GRIN2B: variants seen among roughly 807,000 people sequenced by gnomAD.
The protein encoded by GRIN2B is glutamate ionotropic receptor NMDA type subunit 2B.
Under a neutral mutation model 114.5 loss-of-function variants are expected in GRIN2B, and 5 were observed. The ratio of observed to expected loss-of-function variants is 0.04; its 90% CI spans 0.02 to 0.09. The LOEUF (loss-of-function observed/expected upper bound fraction) is 0.09. Among genes scored for constraint, GRIN2B ranks in the 10% least tolerant of loss-of-function variants. The pLI is 1.00. For synonymous variants in GRIN2B, 787 were observed against 745.1 expected (o/e 1.06, Z -0.92); for missense variants, 1,108 against 1,943.5 (o/e 0.57, Z 8.08).
intron 2 of GRIN2B, among the ~76,000 whole-genome samples, chr12:13,966,206 T>A (rs1458493417): frequency 6.6e-6 from 1 of 152,290 alleles, no homozygotes; most frequent in East Asian, 1.9e-4. Flanking sequence ...CCTGGTGAGT[T>A]CTTGGGAAGA....
intron 2 of GRIN2B, among the ~76,000 whole-genome samples, chr12:13,875,877 G>C (rs1865984622): frequency 2.0e-5 from 3 of 152,126 alleles, no homozygotes; most frequent in Non-Finnish European, 4.4e-5. Context: ...CATGGGCCAG[G>C]GAACCTGCTA....
chr12:13,622,178 G>C (rs900940227), intron 5 of GRIN2B, among the ~76,000 whole-genome samples: 2 of 152,162 alleles, frequency 1.3e-5, no homozygotes, highest in African/African-American at 4.8e-5. Context: ...GGCGTCAAAG[G>C]TTATTTTTCA....
intron 5 of GRIN2B, among the ~76,000 whole-genome samples, chr12:13,652,594 A>C (rs987563330): frequency 6.6e-6 from 1 of 152,096 alleles, no homozygotes; most frequent in Non-Finnish European, 1.5e-5. Flanking sequence ...TTTATTATGC[A>C]TGGGTATAAG....
At chr12:13,825,772 C>T (rs1160827214) in intron 3 of GRIN2B, among the ~76,000 whole-genome samples, 1 of 152,020 alleles carries the variant, frequency 6.6e-6, no homozygotes, top group African/African-American at 2.4e-5. Flanking sequence ...CCACCTCGGC[C>T]TCCCAAAGTG....
At chr12:13,968,887 C>A (rs955574676) in intron 2 of GRIN2B, among the ~76,000 whole-genome samples, 1 of 152,158 alleles carries the variant, frequency 6.6e-6, no homozygotes, top group Non-Finnish European at 1.5e-5. Flanking sequence ...GAGTAGTTTG[C>A]AAATGGGTTT....
chr12:13,962,089 T>TACAC (rs143658576), intron 2 of GRIN2B, among the ~76,000 whole-genome samples: 49,180 of 145,104 alleles, frequency 0.34, 8,353 homozygotes, highest in Middle Eastern at 0.39. Flanking sequence ...CTCTCATACA[T>TACAC]ACACACACAC....
At chr12:13,752,676 CTAAGAG>C (rs1863504006) in intron 4 of GRIN2B, among the ~76,000 whole-genome samples, 1 of 152,154 alleles carries the variant, frequency 6.6e-6, no homozygotes, top group Admixed American at 6.5e-5. Flanking sequence ...ACAAACCAGA[CTAAGAG>C]TAACTGTAAA....
chr12:13,951,905 A>G (rs1299617253), intron 2 of GRIN2B, among the ~76,000 whole-genome samples: 1 of 152,134 alleles, frequency 6.6e-6, no homozygotes, highest in Non-Finnish European at 1.5e-5. Context: ...AGAAGAGGGG[A>G]GAAAAAGAAA....
upstream of GRIN2B, chr12:13,982,095 C>T (rs371428226): frequency 6.9e-6 from 1 of 145,184 alleles, no homozygotes; most frequent in Non-Finnish European, 1.5e-5. Flanking sequence ...GAGGCAGCTT[C>T]CCACGTCATG....
intron 2 of GRIN2B, among the ~76,000 whole-genome samples, chr12:13,935,101 T>C (rs1270874340): frequency 1.3e-5 from 2 of 152,138 alleles, no homozygotes; most frequent in Non-Finnish European, 2.9e-5. Flanking sequence ...GAAGGAACAA[T>C]TGGTCCATAG....
intron 3 of GRIN2B, among the ~76,000 whole-genome samples, chr12:13,834,671 G>A (rs1188038294): frequency 2.0e-5 from 3 of 152,190 alleles, no homozygotes; most frequent in Non-Finnish European, 4.4e-5. Context: ...CAGAGGGGAA[G>A]GTGTGAATGA....
At chr12:13,816,878 T>A (rs11831422) in intron 3 of GRIN2B, among the ~76,000 whole-genome samples, 5,391 of 152,234 alleles carry the variant, frequency 0.035, 116 homozygotes, top group Middle Eastern at 0.061. Context: ...AATCTAAACC[T>A]AAGTCAAAAA....
At chr12:13,692,138 T>A (rs1950219564) in intron 4 of GRIN2B, among the ~76,000 whole-genome samples, 1 of 152,152 alleles carries the variant, frequency 6.6e-6, no homozygotes. Context: ...CTTTCCCAAG[T>A]TTTTTCAGCA....
intron 3 of GRIN2B, among the ~76,000 whole-genome samples, chr12:13,802,913 G>A (rs1183354495): frequency 6.6e-6 from 1 of 151,986 alleles, no homozygotes; most frequent in Non-Finnish European, 1.5e-5. Context: ...GAACACACAG[G>A]TTTGAACTGT....
At chr12:13,944,410 G>T (rs1867326750) in intron 2 of GRIN2B, among the ~76,000 whole-genome samples, 1 of 152,210 alleles carries the variant, frequency 6.6e-6, no homozygotes, top group South Asian at 2.1e-4. Context: ...AACAGAAGCA[G>T]AGCTGTGTGT....
At chr12:13,844,676 A>G (rs146739931) in intron 3 of GRIN2B, among the ~76,000 whole-genome samples, 209 of 152,278 alleles carry the variant, frequency 1.4e-3, no homozygotes, top group African/African-American at 4.8e-3. Flanking sequence ...GTATTTCTCC[A>G]TCTTTGACAT....
intron 4 of GRIN2B, among the ~76,000 whole-genome samples, chr12:13,720,297 C>T (rs1565512728): frequency 6.6e-6 from 1 of 151,974 alleles, no homozygotes; most frequent in East Asian, 1.9e-4. Flanking sequence ...TACAAAATGG[C>T]ATGCCCTTTC....
At chr12:13,806,380 C>T (rs375716047) in intron 3 of GRIN2B, among the ~76,000 whole-genome samples, 14 of 152,286 alleles carry the variant, frequency 9.2e-5, no homozygotes, top group African/African-American at 3.1e-4. Context: ...TCCCCATCAA[C>T]ACTTGTTATC....
At chr12:13,853,057 C>A (rs776811802) in intron 3 of GRIN2B, among the ~76,000 whole-genome samples, 21 of 152,202 alleles carry the variant, frequency 1.4e-4, no homozygotes, top group African/African-American at 5.1e-4. Flanking sequence ...CCCCTCAGAT[C>A]TTCAGGCATC....
Sources: allele counts gnomAD v4.1 joint callset (sites outside exome capture counted in the v4.1 genomes callset), GRCh38; gene constraint gnomAD v4.1.1; transcripts MANE v1.5; gene names NCBI Gene and HGNC (gene_info 2026-07-23, HGNC 2026-07-21).